The following SULF2 variants were observed in gnomAD, a reference collection of about 807,000 sequenced individuals.
SULF2 encodes sulfatase 2, also known as extracellular sulfatase Sulf-2.
SULF2 carries 52 observed loss-of-function variants against 107.7 expected under a neutral mutation model. That is an observed-to-expected ratio of 0.48 (90% CI 0.39 to 0.61). The LOEUF (loss-of-function observed/expected upper bound fraction) is 0.61. Among genes scored for constraint, SULF2 ranks in the 20% least tolerant of loss-of-function variants. The pLI is 0.00. For synonymous variants in SULF2, 460 were observed against 464.3 expected, an observed-to-expected ratio of 0.99 and a Z score of 0.12; for missense variants, 993 against 1,177.3, an observed-to-expected ratio of 0.84 and a Z score of 2.29.
chr20:47,775,141 C>T (rs1414128723), intron 1 of SULF2, among the ~76,000 whole-genome samples: 1 of 152,226 alleles, frequency 6.6e-6, no homozygotes, highest in Non-Finnish European at 1.5e-5. Flanking sequence ...GGCCCCACCT[C>T]ATGAAACCGG....
At chr20:47,773,802 A>G (rs1001686764) in intron 1 of SULF2, among the ~76,000 whole-genome samples, 1 of 152,082 alleles carries the variant, frequency 6.6e-6, no homozygotes, top group Non-Finnish European at 1.5e-5. Flanking sequence ...TGACAATTCC[A>G]CCTTTTTAAC....
At chr20:47,671,124 G>A (rs1568791478) in intron 11 of SULF2, among the ~76,000 whole-genome samples, 1 of 152,112 alleles carries the variant, frequency 6.6e-6, no homozygotes, top group African/African-American at 2.4e-5. Flanking sequence ...CCAGGGTGGC[G>A]GCTGAGCCTT....
chr20:47,756,456 T>C (rs1467708957), intron 2 of SULF2, among the ~76,000 whole-genome samples: 1 of 152,180 alleles, frequency 6.6e-6, no homozygotes, highest in Non-Finnish European at 1.5e-5. Flanking sequence ...CTTTTCCTGG[T>C]AGCTAAAAGA....
Position 47,757,542 on chromosome 20 carries a change from C to A in SULF2, c.-100-79G>T, listed in dbSNP as rs1272892826. ...CATTCTTGCATAATGATTTGTATGG[C>A]GGCTGGCATGAACAATGGGAGTTTC... On this transcript the variant is annotated intron_variant, in intron 1 of 20. Transcript: ENST00000688720. 4.2e-6 allele frequency: 3 copies of A among 709,882 alleles called. No homozygotes were observed. The Admixed American group carries it at 9.0e-5, about 21-fold the overall frequency. 44.0% of individuals were successfully genotyped at this position (709,882 alleles called of 1,614,324 possible).
At position 47,663,141 on chromosome 20, in the gene SULF2, G is replaced by A. The variant is rs2087140635; in HGVS notation, c.2299C>T (p.His767Tyr). ...GCAAATTCACAGAAGAGGAAATTGT[G>A]AGTCTCATTGATGGTCCTCATGCAC... ...YWCMRTINETHNFLFCEFATG... is the reference protein window; with the variant it reads ...YWCMRTINETYNFLFCEFATG... The change falls in exon 17 of 21, where the codon CAC becomes TAC. Residue 767 changes from histidine to tyrosine, a missense_variant. His to Tyr is a moderately conservative substitution (Grantham distance 83). Coordinates refer to ENST00000688720, the MANE Select transcript of SULF2 (RefSeq NM_001387048.1). The A allele has an allele frequency of 6.2e-7, 1 of 1,614,150 alleles. No individual in the cohort carries two copies. Among genetic ancestry groups the A allele is most frequent in the Non-Finnish European group, 8.5e-7 (1 of 1,180,024 alleles).
At chr20:47,771,572 C>T (rs1447877879) in intron 1 of SULF2, among the ~76,000 whole-genome samples, 1 of 152,242 alleles carries the variant, frequency 6.6e-6, no homozygotes, top group African/African-American at 2.4e-5. Context: ...AATTTTCCAA[C>T]TCAGCCTCTG....
chr20:47,679,376 T>C lies in SULF2; in HGVS notation c.1065-572A>G, dbSNP rs578225995. 2.6e-5 allele frequency among the ~76,000 whole-genome samples: 4 copies of C among 152,220 alleles called. No homozygotes were observed. The South Asian group carries it at 8.3e-4, about 31-fold the overall frequency. ...CCTGTCCCTGGTGATCACACCTTAA[T>C]GTGACCCCCTCACCTTGGGTGTGGA... On this transcript the variant is annotated intron_variant, in intron 7 of 20. Coordinates refer to ENST00000688720, the MANE Select transcript of SULF2 (RefSeq NM_001387048.1).
At chr20:47,716,905 G>C (rs2089138960) in intron 3 of SULF2, among the ~76,000 whole-genome samples, 1 of 152,142 alleles carries the variant, frequency 6.6e-6, no homozygotes, top group South Asian at 2.1e-4. Context: ...AGCTACTCGA[G>C]AGGCTGAGGT....
chr20:47,684,391 C>T (rs2297586), intron 6 of SULF2, 40 bp downstream of exon 6: 438,093 of 1,557,712 alleles, frequency 0.28, 62,909 homozygotes, highest in Middle Eastern at 0.41. Flanking sequence ...GCTGGGGGTT[C>T]GGAGCCACGC....
rs767848713 is a variant in SULF2, at chr20:47,680,285, T to C, written c.1065-1481A>G. 6.6e-6 allele frequency among the ~76,000 whole-genome samples: 1 copy of C among 152,248 alleles called. No homozygotes were observed. Among genetic ancestry groups the C allele is most frequent in the Non-Finnish European group, 1.5e-5 (1 of 68,048 alleles). On this transcript the variant is annotated intron_variant, in intron 7 of 20. Coordinates refer to ENST00000688720, the MANE Select transcript of SULF2 (RefSeq NM_001387048.1). This position sits in a 1 kb window ranked among gnomAD's most constrained non-coding sequence, Gnocchi z 4.2. Reference sequence around the variant, plus strand: ...ACACCCATAATTTTTGTACTTTTAGTAGAGGTGGGGTTTCACCATGTTGGC... The same window carrying C: ...ACACCCATAATTTTTGTACTTTTAGCAGAGGTGGGGTTTCACCATGTTGGC...
chr20:47,746,669 G>A (rs187375650), intron 2 of SULF2, among the ~76,000 whole-genome samples: 54 of 152,262 alleles, frequency 3.5e-4, no homozygotes, highest in African/African-American at 1.2e-3. Context: ...AGAAGGATGA[G>A]TTCATGTCCT....
At chr20:47,662,924 C>T in intron 17 of SULF2, 146 bp downstream of exon 17, 1 of 855,938 alleles carries the variant, frequency 1.2e-6, no homozygotes, top group African/African-American at 1.7e-5. Context: ...CCCCCAATCT[C>T]AGCAGCTTCA....
At chr20:47,785,781 G>A (rs1201061237), upstream of SULF2, 1 of 148,894 alleles carries the variant, frequency 6.7e-6, no homozygotes, top group Non-Finnish European at 1.5e-5. Context: ...CCCGGGGCGC[G>A]GGGGGCCCAG....
At chr20:47,739,629 G>A (rs1042694949) in intron 2 of SULF2, among the ~76,000 whole-genome samples, 3 of 152,170 alleles carry the variant, frequency 2.0e-5, no homozygotes, top group African/African-American at 7.2e-5. Flanking sequence ...CCCGCTCCGT[G>A]TCTCTCCACA....
Position 47,678,854 on chromosome 20 carries a change from C to T in SULF2, c.1065-50G>A. On this transcript the variant is annotated intron_variant, in intron 7 of 20. Coordinates refer to ENST00000688720, the MANE Select transcript of SULF2 (RefSeq NM_001387048.1). The surrounding 1 kb of genome is among the most constrained non-coding windows in gnomAD (Gnocchi z 4.5). ...CTCAGTCACTCAGGTGGTGGTGCCTCAGCCTCGCGTGGGGGGTGGGGAGCG... is the reference window on the plus strand; with the variant it reads ...CTCAGTCACTCAGGTGGTGGTGCCTTAGCCTCGCGTGGGGGGTGGGGAGCG... 6.3e-7 allele frequency: 1 copy of T among 1,582,548 alleles called. No homozygotes were observed.
At position 47,672,409 on chromosome 20, in the gene SULF2, G is replaced by A. The variant is rs753652202; in HGVS notation, c.1381-16C>T. ...ACTGCCACTTCTGAAAGACATGCCA[G>A]GGCCTCGGCCAGCTGCTCATCTGCT... On this transcript the variant is annotated splice_polypyrimidine_tract_variant and intron_variant, in intron 10 of 20. Coordinates refer to ENST00000688720, the MANE Select transcript of SULF2 (RefSeq NM_001387048.1). 6.3e-7 allele frequency: 1 copy of A among 1,579,792 alleles called. No homozygotes were observed. Among genetic ancestry groups the A allele is most frequent in the East Asian group, 2.3e-5 (1 of 43,566 alleles).
chr20:47,713,661 G>C (rs1484198594), intron 3 of SULF2, among the ~76,000 whole-genome samples: 1 of 151,806 alleles, frequency 6.6e-6, no homozygotes, highest in African/African-American at 2.4e-5. Context: ...AAAGTAGGAG[G>C]ATCACTTGAG....
chr20:47,763,861 C>T (rs1343115688), intron 1 of SULF2, among the ~76,000 whole-genome samples: 1 of 152,210 alleles, frequency 6.6e-6, no homozygotes, highest in East Asian at 1.9e-4. Context: ...AAGCAAGGGC[C>T]TGCCTTCCTC....
intron 3 of SULF2, among the ~76,000 whole-genome samples, chr20:47,731,442 C>T (rs1274755988): frequency 6.6e-6 from 1 of 151,952 alleles, no homozygotes; most frequent in Admixed American, 6.6e-5. Flanking sequence ...ATCCGCCCAT[C>T]CCTGCCTCCC....
Sources: allele counts gnomAD v4.1 joint callset (sites outside exome capture counted in the v4.1 genomes callset), GRCh38; gene constraint gnomAD v4.1.1; non-coding constraint Gnocchi (gnomAD v3.1); transcripts MANE v1.5; gene names NCBI Gene and HGNC (gene_info 2026-07-23, HGNC 2026-07-21).